MALRD1: variants seen among roughly 807,000 people sequenced by gnomAD.
MALRD1 encodes MAM and LDL receptor class A domain containing 1, also known as MAM and LDL-receptor class A domain-containing protein 1.
In MALRD1, 247 loss-of-function variants were observed where a neutral mutation model predicts 242.1. The observed-to-expected ratio is 1.02, with a 90% CI of 0.92 to 1.13. The LOEUF is 1.13. Among genes scored for constraint, MALRD1 ranks in the 50% most tolerant of loss-of-function variants. The pLI, the probability that MALRD1 is intolerant of heterozygous loss-of-function variation, is 0.00. For synonymous variants in MALRD1, 995 were observed against 866.6 expected, an observed-to-expected ratio of 1.15 and a Z score of -2.60; for missense variants, 2,989 against 2,533.1, an observed-to-expected ratio of 1.18 and a Z score of -3.86.
Position 19,593,050 on chromosome 10 carries a change from T to G in MALRD1, c.5681-2144T>G, listed in dbSNP as rs187041891. Reference sequence around the variant, plus strand: ...TTCTGTACTTTAAGTGTGAGATTAATCTAATGGAAAGATTACAGAGAAACT... The same window carrying G: ...TTCTGTACTTTAAGTGTGAGATTAAGCTAATGGAAAGATTACAGAGAAACT... On this transcript the variant is annotated intron_variant, in intron 33 of 39. Transcript: ENST00000454679. Among the ~76,000 whole-genome samples the G allele has an allele frequency of 2.8e-4, 42 of 151,904 alleles. No homozygotes were observed. In the South Asian group the frequency reaches 7.7e-3, roughly 28 times the overall value.
intron 24 of MALRD1, among the ~76,000 whole-genome samples, chr10:19,338,087 C>A (rs1252780094): frequency 6.6e-6 from 1 of 150,668 alleles, no homozygotes; most frequent in African/African-American, 2.4e-5. Flanking sequence ...AAAGAAAGTA[C>A]ATATACTCCT....
intron 18 of MALRD1, among the ~76,000 whole-genome samples, chr10:19,227,781 T>C (rs1837863924): frequency 6.6e-6 from 1 of 152,172 alleles, no homozygotes; most frequent in Non-Finnish European, 1.5e-5. Context: ...TCATTTAATA[T>C]AACATTTTGA....
intron 24 of MALRD1, among the ~76,000 whole-genome samples, chr10:19,334,462 G>C (rs565875780): frequency 1.3e-4 from 20 of 150,564 alleles, no homozygotes; most frequent in Non-Finnish European, 2.2e-4. Flanking sequence ...GTGTTTGAGA[G>C]ATGATAAGTG....
chr10:19,565,715 G>T (rs1186125035), intron 32 of MALRD1, among the ~76,000 whole-genome samples: 1 of 152,132 alleles, frequency 6.6e-6, no homozygotes, highest in Non-Finnish European at 1.5e-5. Context: ...AGTAGTCAAT[G>T]GATCCAAATT....
Position 19,130,297 on chromosome 10 carries a change from A to G in MALRD1, c.1110+1910A>G, listed in dbSNP as rs576517736. 4.6e-4 allele frequency among the ~76,000 whole-genome samples: 70 copies of G among 152,244 alleles called. 1 individual carries two copies. Among genetic ancestry groups the G allele is most frequent in the African/African-American group, 1.5e-3 (63 of 41,560 alleles). On this transcript the variant is annotated intron_variant, in intron 8 of 39. Transcript: ENST00000454679. ...CGTATGTTCCACCATTCATGCCTCA[A>G]TATTTCAGTTGCTGTCACCTGTGCT...
rs11443184 is a variant in MALRD1 at position 19,176,366 on chromosome 10, CTTTT to C, written c.1951+1054_1951+1057del. Among the ~76,000 whole-genome samples the C allele has an allele frequency of 6.9e-5, 6 of 87,292 alleles. 1 individual carries two copies. In the Admixed American group the frequency reaches 7.3e-4, roughly 11 times the overall value. The allele number at this position is 87,292 out of a possible 152,430, so 57.3% of individuals were successfully genotyped here. A position where few individuals can be genotyped will look rare whatever the true frequency, so the allele number is the denominator to read the frequency against. On this transcript the variant is annotated intron_variant, in intron 14 of 39. Coordinates refer to ENST00000454679, the MANE Select transcript of MALRD1 (RefSeq NM_001142308.3). Reference sequence around the variant, plus strand: ...TCGAGAGAGTGTATATTTCTGGGTGCTTTTTTTTTTTTTTTTTTTGAGACGGAGT... The same window carrying C: ...TCGAGAGAGTGTATATTTCTGGGTGCTTTTTTTTTTTTTTTGAGACGGAGT...
At chr10:19,608,505 A>G (rs1223904841) in intron 35 of MALRD1, among the ~76,000 whole-genome samples, 3 of 151,970 alleles carry the variant, frequency 2.0e-5, no homozygotes, top group Admixed American at 6.6e-5. Flanking sequence ...TCCTGAGTAG[A>G]TGATTTTTTT....
At chr10:19,686,339 G>C (rs905455622) in intron 36 of MALRD1, among the ~76,000 whole-genome samples, 1 of 152,084 alleles carries the variant, frequency 6.6e-6, no homozygotes, top group African/African-American at 2.4e-5. Flanking sequence ...CATGTGTGGG[G>C]GCCCACTGAT....
intron 29 of MALRD1, among the ~76,000 whole-genome samples, chr10:19,450,965 A>G (rs1252735760): frequency 2.0e-5 from 3 of 152,102 alleles, no homozygotes; most frequent in Admixed American, 2.0e-4. Flanking sequence ...TGAAGACCCC[A>G]TCTCTGGACA....
At chr10:19,539,086 G>T (rs1323228314) in intron 32 of MALRD1, among the ~76,000 whole-genome samples, 1 of 152,038 alleles carries the variant, frequency 6.6e-6, no homozygotes, top group Admixed American at 6.6e-5. Flanking sequence ...TAAAAGCAGA[G>T]AAAAAAATGG....
At chr10:19,313,682 C>G (rs1163834192) in intron 21 of MALRD1, among the ~76,000 whole-genome samples, 1 of 151,524 alleles carries the variant, frequency 6.6e-6, no homozygotes, top group Admixed American at 6.6e-5. Flanking sequence ...TTTACTGAGA[C>G]TCTTAGAGTC....
chr10:19,440,266 T>C (rs985738753), intron 28 of MALRD1, among the ~76,000 whole-genome samples: 4 of 152,210 alleles, frequency 2.6e-5, no homozygotes, highest in African/African-American at 9.6e-5. Flanking sequence ...AGCTTATTGC[T>C]ATTCTGTTTC....
At chr10:19,104,175 A>T in intron 5 of MALRD1, 100 bp downstream of exon 5, 1 of 611,600 alleles carries the variant, frequency 1.6e-6, no homozygotes, top group Non-Finnish European at 2.4e-6. Flanking sequence ...TTTTTGTCTG[A>T]TGTTTTCATG....
chr10:19,491,996 TTTTC>T (rs1321336240), intron 30 of MALRD1, among the ~76,000 whole-genome samples: 1 of 151,892 alleles, frequency 6.6e-6, no homozygotes, highest in African/African-American at 2.4e-5. Context: ...TTGTTTTTTT[TTTTC>T]TATTTTTTTT....
Position 19,373,203 on chromosome 10 carries a change from C to CAAAAAAAAAAAAAAAAAAAAAAA in MALRD1, c.4442-14308_4442-14307insAAAAAAAAAAAAAAAAAAAAAAA, listed in dbSNP as rs374095193. On this transcript the variant is annotated intron_variant, in intron 26 of 39. Coordinates refer to ENST00000454679, the MANE Select transcript of MALRD1 (RefSeq NM_001142308.3). ...CTTGCATTTCAGCAAACGCTAAATA[C>CAAAAAAAAAAAAAAAAAAAAAAA]AAAAAAAAAAAAAAAAATAAGGGGC... Among the ~76,000 whole-genome samples, 151 of 114,818 alleles carry CAAAAAAAAAAAAAAAAAAAAAAA rather than the reference C, an allele frequency of 1.3e-3. 2 individuals carry two copies. The highest frequency in any genetic ancestry group is 2.1e-3 in the African/African-American group (60 of 29,218). The allele number at this position is 114,818 out of a possible 152,430, so 75.3% of individuals were successfully genotyped here.
At chr10:19,585,313 T>C (rs901438046) in intron 33 of MALRD1, among the ~76,000 whole-genome samples, 2 of 152,154 alleles carry the variant, frequency 1.3e-5, no homozygotes, top group African/African-American at 4.8e-5. Flanking sequence ...GTAGTTTCTT[T>C]CTAGTCTCGA....
chr10:19,130,311 G>C (rs182918067), intron 8 of MALRD1, among the ~76,000 whole-genome samples: 4 of 152,220 alleles, frequency 2.6e-5, no homozygotes, highest in Middle Eastern at 3.4e-3. Context: ...TTCAGTTGCT[G>C]TCACCTGTGC....
intron 26 of MALRD1, among the ~76,000 whole-genome samples, chr10:19,365,028 A>G (rs918792169): frequency 4.6e-5 from 7 of 152,172 alleles, no homozygotes; most frequent in Non-Finnish European, 1.0e-4. Flanking sequence ...AATAGATTAC[A>G]AAAATAACAT....
chr10:19,204,333 A>G lies in MALRD1; in HGVS notation c.2130A>G (p.Lys710=). 1 of 1,548,796 alleles carries G rather than the reference A, an allele frequency of 6.5e-7. No homozygotes were observed. The highest frequency in any genetic ancestry group is 8.7e-7 in the Non-Finnish European group (1 of 1,146,374). Residue 710 remains lysine (K), a synonymous_variant, in exon 16 of 40, where the codon AAA becomes AAG. Coordinates refer to ENST00000454679, the MANE Select transcript of MALRD1 (RefSeq NM_001142308.3). The part of the protein sequence containing the change: ...SQGHFMFILK[K]SSSLWQVAKL... ...GGCATTTTATGTTCATTCTGAAGAA[A>G]AGCAGCAGCTTGTGGCAAGTTGCTA...
Sources: gnomAD v4.1 joint callset for allele counts (sites outside exome capture counted in the v4.1 genomes callset) on GRCh38, gnomAD v4.1.1 for gene constraint, MANE v1.5 for transcripts, NCBI Gene and HGNC (gene_info 2026-07-23, HGNC 2026-07-21) for gene names.